The following SCN10A variants were observed in gnomAD, a reference collection of about 807,000 sequenced individuals.
SCN10A encodes the protein sodium channel protein type 10 subunit alpha.
SCN10A carries 162 observed loss-of-function variants against 170.7 expected under a neutral mutation model. The ratio of observed to expected loss-of-function variants is 0.95; its 90% confidence interval spans 0.84 to 1.08. The LOEUF (loss-of-function observed/expected upper bound fraction) is 1.08. SCN10A is among the 50% of genes least tolerant of loss of function. The pLI is 0.00. For synonymous variants in SCN10A, 985 were observed against 904.6 expected (o/e 1.09, Z -1.59); for missense variants, 2,527 against 2,436.9 (o/e 1.04, Z -0.78).
At chr3:38,699,101 G>A (rs1179492060) in intron 27 of SCN10A, among the ~76,000 whole-genome samples, 1 of 152,104 alleles carries the variant, frequency 6.6e-6, no homozygotes, top group East Asian at 1.9e-4. Context: ...ACGGAGCCTG[G>A]TGTTAATTAC....
At chr3:38,736,977 T>TTTTTTTTTTTTTTG (rs1553618250) in intron 15 of SCN10A, among the ~76,000 whole-genome samples, 5 of 108,714 alleles carry the variant, frequency 4.6e-5, no homozygotes, top group African/African-American at 1.8e-4. Flanking sequence ...TTTTTTTTTT[T>TTTTTTTTTTTTTTG]TTTTTTTTTT....
At chr3:38,792,258 A>C (rs2064292419) in intron 2 of SCN10A, 90 bp from the exon 3 acceptor site, 20 of 1,505,966 alleles carry the variant, frequency 1.3e-5, no homozygotes, top group Admixed American at 3.7e-5. Flanking sequence ...GCATTATCTC[A>C]GGCTTATGAG....
chr3:38,803,710 A>T (rs1039499091), intron 1 of SCN10A, among the ~76,000 whole-genome samples: 1 of 151,748 alleles, frequency 6.6e-6, no homozygotes, highest in Non-Finnish European at 1.5e-5. Flanking sequence ...ATGACGAGTT[A>T]ATGGGTGCAG....
Position 38,697,537 on chromosome 3 carries a change from C to G in SCN10A, c.5683G>C (p.Val1895Leu). Reference sequence around the variant, plus strand: ...CAATTTTCATTTGCTGTGAATGCAACAAAACCTTCATCTGGGAGTGATGCA... The same window carrying G: ...CAATTTTCATTTGCTGTGAATGCAAGAAAACCTTCATCTGGGAGTGATGCA... ...EAASLPDEGFVAFTANENCVL... is the reference protein window; with the variant it reads ...EAASLPDEGFLAFTANENCVL... The change falls in exon 28 of 28, where the codon GTT (valine) becomes CTT (leucine). Residue 1895 changes from valine to leucine, a missense_variant. Transcript: ENST00000449082. 1 of 1,614,174 alleles carries G rather than the reference C, an allele frequency of 6.2e-7. No individual in the cohort carries two copies. The highest frequency in any genetic ancestry group is 8.5e-7 in the Non-Finnish European group (1 of 1,180,026).
chr3:38,803,239 T>C (rs968746204), intron 1 of SCN10A, among the ~76,000 whole-genome samples: 6 of 152,232 alleles, frequency 3.9e-5, no homozygotes, highest in Non-Finnish European at 8.8e-5. Context: ...GAAGACAGTG[T>C]GGCAATTCCT....
intron 6 of SCN10A, among the ~76,000 whole-genome samples, chr3:38,762,272 G>A (rs377000636): frequency 3.9e-5 from 6 of 152,166 alleles, no homozygotes; most frequent in Admixed American, 2.0e-4. Context: ...GCAGCATGTC[G>A]AGTGCCGTTG....
At chr3:38,762,409 G>A (rs62244074) in intron 6 of SCN10A, among the ~76,000 whole-genome samples, 30,635 of 152,122 alleles carry the variant, frequency 0.2, 3,687 homozygotes, top group East Asian at 0.4. Flanking sequence ...GAAAACCAGG[G>A]AGGAGGTAAA....
chr3:38,750,091 T>C lies in SCN10A; in HGVS notation c.1849A>G (p.Ile617Val). The C allele has an allele frequency of 6.2e-7, 1 of 1,605,644 alleles. No homozygotes were observed. Among genetic ancestry groups the C allele is most frequent in the Non-Finnish European group, 8.5e-7 (1 of 1,172,574 alleles). ...AQRAMSVVSI[I>V]TSVLEELEES... Reference sequence around the variant, plus strand: ...CACTTACCCTCAAGGACGGAGGTTATGATACTGACAACACTCATTGCCCTT... The same window carrying C: ...CACTTACCCTCAAGGACGGAGGTTACGATACTGACAACACTCATTGCCCTT... The change falls in exon 13 of 28, where the codon ATA (isoleucine) becomes GTA (valine). Residue 617 changes from isoleucine to valine, a missense_variant. Coordinates refer to ENST00000449082, the MANE Select transcript of SCN10A (RefSeq NM_006514.4).
chr3:38,798,047 T>A (rs141345708), intron 1 of SCN10A, among the ~76,000 whole-genome samples: 1 of 152,200 alleles, frequency 6.6e-6, no homozygotes, highest in Admixed American at 6.5e-5. Context: ...TGGTTCTCTA[T>A]ATTCCCATCT....
At chr3:38,806,602 G>T (rs565233828) in intron 1 of SCN10A, among the ~76,000 whole-genome samples, 1 of 152,242 alleles carries the variant, frequency 6.6e-6, no homozygotes, top group African/African-American at 2.4e-5. Context: ...AACTGGAGAT[G>T]ATTACCTCGG....
intron 5 of SCN10A, among the ~76,000 whole-genome samples, chr3:38,765,359 C>A (rs966550788): frequency 6.6e-6 from 1 of 152,072 alleles, no homozygotes; most frequent in Non-Finnish European, 1.5e-5. Flanking sequence ...TAGATTTAAG[C>A]CTTTTATCCA....
rs569815835 is a variant in SCN10A, at chr3:38,756,033, G to A, written c.1291-75C>T. ...GCATGAATGTGTCCCCCAGACATGG[G>A]GTGCCAGGGGTGAGAGATCTGAAAC... On this transcript the variant is annotated intron_variant, in intron 10 of 27. Transcript: ENST00000449082. 2.7e-6 allele frequency: 4 copies of A among 1,505,764 alleles called. No homozygotes were observed. The East Asian group carries it at 9.0e-5, about 34-fold the overall frequency. 93.3% of individuals were successfully genotyped at this position (1,505,764 alleles called of 1,614,324 possible).
rs372138097 is a variant in SCN10A, at chr3:38,789,020, T to C, written c.406A>G (p.Ile136Val). ...VSVHSWFSLF[I>V]TVTILVNCVC... ...CAATTAACCAAAATAGTGACCGTAATAAATAAACTGAACCACCTGAAAGGC... is the reference window on the plus strand; with the variant it reads ...CAATTAACCAAAATAGTGACCGTAACAAATAAACTGAACCACCTGAAAGGC... The change falls in exon 4 of 28, where the codon ATT (isoleucine) becomes GTT (valine). Residue 136 changes from isoleucine (I) to valine (V), a missense_variant. By Grantham distance (29) the Ile-to-Val change is conservative. Coordinates refer to ENST00000449082, the MANE Select transcript of SCN10A (RefSeq NM_006514.4). The C allele has an allele frequency of 1.4e-4, 231 of 1,611,104 alleles. 3 individuals carry two copies. In the South Asian group the frequency reaches 2.2e-3, roughly 15 times the overall value.
intron 20 of SCN10A, among the ~76,000 whole-genome samples, chr3:38,719,802 T>G (rs968415906): frequency 2.6e-5 from 4 of 152,188 alleles, no homozygotes; most frequent in Non-Finnish European, 5.9e-5. Context: ...CTTCAAGCAC[T>G]AATCCTAAGG....
chr3:38,777,396 G>T (rs1357874882), intron 4 of SCN10A, among the ~76,000 whole-genome samples: 2 of 151,944 alleles, frequency 1.3e-5, no homozygotes, highest in African/African-American at 4.8e-5. Context: ...AACCAAAATT[G>T]CAATGTACCT....
rs79839232 is a variant in SCN10A, at chr3:38,711,007, G to T, written c.4090-110C>A. On this transcript the variant is annotated intron_variant, in intron 23 of 27. Transcript: ENST00000449082. ...AGGAGAGAGTCCTGTGTTGGAAAGGGCTTGTGCAGAAAGAATGAAAGGAAA... is the reference window on the plus strand; with the variant it reads ...AGGAGAGAGTCCTGTGTTGGAAAGGTCTTGTGCAGAAAGAATGAAAGGAAA... The T allele has an allele frequency of 2.3e-4, 195 of 858,076 alleles. 1 individual carries two copies. The African/African-American group carries it at 2.9e-3, about 13-fold the overall frequency. 53.2% of individuals were successfully genotyped at this position (858,076 alleles called of 1,614,324 possible). A position where few individuals can be genotyped will look rare whatever the true frequency, so the allele number is the denominator to read the frequency against.
intron 1 of SCN10A, among the ~76,000 whole-genome samples, chr3:38,800,009 A>T (rs916068130): frequency 6.6e-6 from 1 of 152,178 alleles, no homozygotes; most frequent in Non-Finnish European, 1.5e-5. Flanking sequence ...TGACTTTCTA[A>T]GTTCTTTATG....
intron 11 of SCN10A, among the ~76,000 whole-genome samples, chr3:38,752,961 C>T (rs1464877099): frequency 1.3e-5 from 2 of 152,168 alleles, no homozygotes; most frequent in Non-Finnish European, 2.9e-5. Context: ...TGAATAAGTG[C>T]ACTTCATTGT....
At chr3:38,784,536 G>C (rs1169680682) in intron 4 of SCN10A, among the ~76,000 whole-genome samples, 1 of 152,076 alleles carries the variant, frequency 6.6e-6, no homozygotes, top group African/African-American at 2.4e-5. Context: ...TACTGAATGG[G>C]CAAAAACTGG....
Sources: gnomAD v4.1 joint callset for allele counts (sites outside exome capture counted in the v4.1 genomes callset) on GRCh38, gnomAD v4.1.1 for gene constraint, MANE v1.5 for transcripts, NCBI Gene and HGNC (gene_info 2026-07-23, HGNC 2026-07-21) for gene names.